Variants in DAB1 observed in about 807,000 individuals in gnomAD.
DAB1 encodes DAB adaptor protein 1, also known as disabled homolog 1.
In DAB1, 15 loss-of-function variants were observed where a neutral mutation model predicts 64.6. The ratio of observed to expected loss-of-function variants is 0.23; its 90% CI spans 0.16 to 0.36. The LOEUF (loss-of-function observed/expected upper bound fraction) is 0.36. Ranked by LOEUF, DAB1 falls within the 10% of genes least tolerant of loss-of-function variation. DAB1 has a pLI of 1.00. For missense variants in DAB1, 596 were observed against 706.7 expected, an observed-to-expected ratio of 0.84 and a Z score of 1.78; for synonymous variants, 235 against 251.9, an observed-to-expected ratio of 0.93 and a Z score of 0.64.
chr1:57,292,056 A>T (rs754579384), intron 1 of DAB1, among the ~76,000 whole-genome samples: 1 of 152,202 alleles, frequency 6.6e-6, no homozygotes, highest in Non-Finnish European at 1.5e-5. Flanking sequence ...AAAAGTAAAC[A>T]TTTCACCAAT....
At chr1:58,440,932 A>G (rs1338045742) in intron 3 of DAB1, among the ~76,000 whole-genome samples, 1 of 152,196 alleles carries the variant, frequency 6.6e-6, no homozygotes, top group Non-Finnish European at 1.5e-5. Flanking sequence ...GTCAGCTACT[A>G]CAGTGGGTAA....
intron 4 of DAB1, among the ~76,000 whole-genome samples, chr1:57,133,091 G>A (rs568013562): frequency 4.6e-5 from 7 of 152,168 alleles, no homozygotes; most frequent in South Asian, 2.1e-4. Context: ...TAGAATTGCC[G>A]TAGCATACTT....
At chr1:58,534,042 A>C in intron 1 of DAB1, 1 of 870,746 alleles carries the variant, frequency 1.1e-6, no homozygotes, top group Non-Finnish European at 2.0e-6. Flanking sequence ...AATCCAGTGA[A>C]AACAAACATT....
intron 4 of DAB1, among the ~76,000 whole-genome samples, chr1:58,339,081 C>T (rs1049328330): frequency 8.6e-5 from 13 of 151,922 alleles, no homozygotes; most frequent in African/African-American, 1.5e-4. Context: ...TTGGAACTAC[C>T]GAGAAGTAGT....
chr1:57,750,230 T>C (rs141893854), intron 6 of DAB1, among the ~76,000 whole-genome samples: 1 of 152,316 alleles, frequency 6.6e-6, no homozygotes, highest in East Asian at 1.9e-4. Flanking sequence ...TCCTTCCCTT[T>C]TTGTGTTTCT....
At chr1:58,315,116 T>C (rs867933812) in intron 4 of DAB1, among the ~76,000 whole-genome samples, 3 of 152,214 alleles carry the variant, frequency 2.0e-5, no homozygotes, top group Admixed American at 6.5e-5. Context: ...GGTGAGCTTT[T>C]AGAAATTCTT....
chr1:57,846,302 C>A (rs561758697), intron 1 of DAB1, among the ~76,000 whole-genome samples: 1 of 151,910 alleles, frequency 6.6e-6, no homozygotes, highest in Admixed American at 6.5e-5. Context: ...ACTAAAAATA[C>A]AAAAAATTAG....
chr1:57,444,990 G>A (rs534182258), intron 7 of DAB1, among the ~76,000 whole-genome samples: 1 of 152,254 alleles, frequency 6.6e-6, no homozygotes, highest in South Asian at 2.1e-4. Flanking sequence ...TCGACGAAAA[G>A]TTGTATACAT....
intron 1 of DAB1, among the ~76,000 whole-genome samples, chr1:57,376,328 G>T (rs1680895092): frequency 6.6e-6 from 1 of 152,192 alleles, no homozygotes; most frequent in South Asian, 2.1e-4. Flanking sequence ...TCTAGACTTA[G>T]CCTTGCACAC....
chr1:57,926,406 G>A (rs926843091), intron 5 of DAB1, among the ~76,000 whole-genome samples: 2 of 152,172 alleles, frequency 1.3e-5, no homozygotes, highest in African/African-American at 2.4e-5. Flanking sequence ...GGTTTCACAT[G>A]TAAATTAGCC....
intron 6 of DAB1, among the ~76,000 whole-genome samples, chr1:57,665,849 CTGTGTGTG>C (rs397862533): frequency 2.2e-4 from 30 of 137,240 alleles, no homozygotes; most frequent in East Asian, 6.4e-4. Context: ...TTTTAATTAT[CTGTGTGTG>C]TGTGTGTGTG....
chr1:57,463,848 A>T (rs1238270139), intron 7 of DAB1, among the ~76,000 whole-genome samples: 1 of 152,192 alleles, frequency 6.6e-6, no homozygotes, highest in Non-Finnish European at 1.5e-5. Flanking sequence ...CACAGACATA[A>T]ATAAGACACG....
In DAB1 at chr1:57,641,379, G is replaced by GTTTT. The variant is rs34105483; in HGVS notation, n.625+8209_625+8212dup. ...GCCCAGTTCCCTCTTTTTTTTGTTG[G>GTTTT]TTTTTTTTTTTTTTTTTTTTTTGAG... On this transcript the variant is annotated intron_variant and non_coding_transcript_variant, in intron 7 of 20. Coordinates refer to the DAB1 transcript ENST00000485760. Among the ~76,000 whole-genome samples, 145 of 109,972 alleles carry GTTTT rather than the reference G, an allele frequency of 1.3e-3. 2 individuals carry two copies. The highest frequency in any genetic ancestry group is 1.5e-3 in the Non-Finnish European group (86 of 57,300). The allele number at this position is 109,972 out of a possible 152,430, so 72.1% of individuals were successfully genotyped here.
intron 7 of DAB1, among the ~76,000 whole-genome samples, chr1:57,516,556 A>G (rs1430977013): frequency 6.6e-6 from 1 of 152,202 alleles, no homozygotes; most frequent in Admixed American, 6.5e-5. Context: ...TGAGAACAAT[A>G]AAACCATATT....
chr1:58,402,955 C>T (rs115892409), intron 3 of DAB1, among the ~76,000 whole-genome samples: 1 of 152,014 alleles, frequency 6.6e-6, no homozygotes, highest in South Asian at 2.1e-4. Flanking sequence ...ACAGTAACTC[C>T]CCAGCCCTGA....
chr1:57,111,870 C>T (rs1039131976), intron 4 of DAB1, among the ~76,000 whole-genome samples: 2 of 152,072 alleles, frequency 1.3e-5, no homozygotes, highest in African/African-American at 4.8e-5. Flanking sequence ...AATCTCTGCC[C>T]CAAGTCTAGG....
chr1:57,200,839 AT>A (rs1665036759), intron 2 of DAB1, among the ~76,000 whole-genome samples: 1 of 152,254 alleles, frequency 6.6e-6, no homozygotes, highest in African/African-American at 2.4e-5. Context: ...TTCATGCAAA[AT>A]TATTATTTGA....
chr1:58,220,864 T>C (rs895686852), intron 4 of DAB1, among the ~76,000 whole-genome samples: 139 of 86,580 alleles, frequency 1.6e-3, no homozygotes, highest in African/African-American at 4.7e-3. Context: ...TACACATATA[T>C]ACATATATAC....
intron 7 of DAB1, among the ~76,000 whole-genome samples, chr1:57,605,473 G>A (rs995236123): frequency 6.6e-6 from 1 of 152,118 alleles, no homozygotes; most frequent in Non-Finnish European, 1.5e-5. Flanking sequence ...CCAAATGTGC[G>A]ACCCATCCTT....
Sources: allele counts gnomAD v4.1 joint callset (sites outside exome capture counted in the v4.1 genomes callset), GRCh38; gene constraint gnomAD v4.1.1; transcripts MANE v1.5; gene names NCBI Gene and HGNC (gene_info 2026-07-23, HGNC 2026-07-21).